The following HEATR4 variants were observed in gnomAD, a reference collection of about 807,000 sequenced individuals.
The protein encoded by HEATR4 is HEAT repeat-containing protein 4.
A neutral mutation model predicts 108.8 loss-of-function variants in HEATR4; 95 were observed. The observed-to-expected ratio is 0.87, with a 90% CI of 0.74 to 1.04. The LOEUF is 1.04. Ranked by LOEUF, HEATR4 falls within the 50% of genes least tolerant of loss-of-function variation. The probability of loss-of-function intolerance (pLI) is 0.00; values close to 1 mark genes in which losing one functional copy is unlikely to be tolerated. For missense variants in HEATR4, 1,152 were observed against 1,253.8 expected (o/e 0.92, Z 1.23); for synonymous variants, 443 against 459.4 (o/e 0.96, Z 0.46).
Position 73,492,579 on chromosome 14 carries a change from T to TA in HEATR4, c.2844+486dup. The TA allele has an allele frequency of 6.2e-7, 1 of 1,613,902 alleles. No homozygotes were observed. Among genetic ancestry groups the TA allele is most frequent in the South Asian group, 1.1e-5 (1 of 91,066 alleles). On this transcript the variant is annotated intron_variant, in intron 17 of 17. Transcript: ENST00000553558. This position sits in a 1 kb window ranked among gnomAD's most constrained non-coding sequence, Gnocchi z 4.9. The stretch of plus-strand genomic sequence containing the variant: ...GTTTTGACTGATAGGGAGAGGGCAC[T>TA]AAGTGTTTACGGGCTTCCAATTCGC...
At chr14:73,570,341 G>A in the HEATR4 span, among the ~76,000 whole-genome samples, 3 of 151,752 alleles carry the variant, frequency 2.0e-5, no homozygotes, top group Non-Finnish European at 4.4e-5. Context: ...AAGTCTCGGC[G>A]GGCAGATCAC....
intron 17 of HEATR4, among the ~76,000 whole-genome samples, chr14:73,483,170 G>T (rs1427846316): frequency 6.6e-6 from 1 of 152,134 alleles, no homozygotes; most frequent in Non-Finnish European, 1.5e-5. Flanking sequence ...TAATAAAATT[G>T]TTTCCCAGGG....
At chr14:73,518,947 T>C in intron 5 of HEATR4, 76 bp downstream of exon 5, 1 of 1,460,192 alleles carries the variant, frequency 6.8e-7, no homozygotes, top group Non-Finnish European at 9.3e-7. Context: ...CTCTAGCACA[T>C]GAATAGTGGG....
At chr14:73,566,809 C>T in the HEATR4 span, among the ~76,000 whole-genome samples, 3 of 152,176 alleles carry the variant, frequency 2.0e-5, no homozygotes, top group African/African-American at 7.2e-5. Flanking sequence ...TGAAGGGCTT[C>T]TCAAGTGCCG....
chr14:73,565,656 C>T, the HEATR4 span, among the ~76,000 whole-genome samples: 2 of 152,004 alleles, frequency 1.3e-5, no homozygotes, highest in Admixed American at 6.6e-5. Context: ...AGCTGCGGAC[C>T]TTCGTGGTGA....
intron 12 of HEATR4, among the ~76,000 whole-genome samples, chr14:73,500,247 A>G (rs1354670846): frequency 6.6e-6 from 1 of 151,768 alleles, no homozygotes; most frequent in Non-Finnish European, 1.5e-5. Flanking sequence ...ACAAACAAAC[A>G]AACAAAAAAA....
intron 10 of HEATR4, among the ~76,000 whole-genome samples, chr14:73,505,523 A>T (rs1283808197): frequency 2.0e-5 from 3 of 151,858 alleles, no homozygotes; most frequent in Non-Finnish European, 4.4e-5. Flanking sequence ...CAGCCTTCCA[A>T]GTAGCTAGGA....
chr14:73,568,979 G>A, the HEATR4 span: 1 of 514,428 alleles, frequency 1.9e-6, no homozygotes, highest in Non-Finnish European at 3.5e-6. Context: ...CAGGAGTTTG[G>A]AGCCTGGAGA....
chr14:73,491,739 T>C, intron 17 of HEATR4: 1 of 1,554,758 alleles, frequency 6.4e-7, no homozygotes. Flanking sequence ...TACCAGGGAC[T>C]TTTCTCTACC....
At chr14:73,486,997 A>G (rs115758733) in intron 17 of HEATR4, among the ~76,000 whole-genome samples, 1,685 of 151,852 alleles carry the variant, frequency 0.011, 34 homozygotes, top group African/African-American at 0.038. Flanking sequence ...GCCCAGCGCG[A>G]TGGCTCACGC....
chr14:73,495,501 T>C (rs924185282), intron 15 of HEATR4, 114 bp from the exon 16 acceptor site: 1 of 835,148 alleles, frequency 1.2e-6, no homozygotes, highest in Non-Finnish European at 1.8e-6. Context: ...GAGGATCACT[T>C]GAGCCCAACA....
At chr14:73,505,824 G>C (rs997317805) in intron 10 of HEATR4, among the ~76,000 whole-genome samples, 14 of 151,860 alleles carry the variant, frequency 9.2e-5, no homozygotes, top group Non-Finnish European at 1.9e-4. Flanking sequence ...TTGGCGGGGG[G>C]GAAATATGTC....
At chr14:73,569,413 G>A in the HEATR4 span, 1 of 1,613,996 alleles carries the variant, frequency 6.2e-7, no homozygotes, top group East Asian at 2.2e-5. Context: ...CAGATCATTA[G>A]GGTTCCTGCT....
At chr14:73,580,317 A>G in the HEATR4 span, among the ~76,000 whole-genome samples, 5 of 151,954 alleles carry the variant, frequency 3.3e-5, no homozygotes, top group African/African-American at 1.2e-4. Flanking sequence ...TTGTAGAAAC[A>G]GCGTCTTATG....
chr14:73,503,370 G>C (rs1446305798), intron 10 of HEATR4, among the ~76,000 whole-genome samples: 2 of 152,206 alleles, frequency 1.3e-5, no homozygotes, highest in Non-Finnish European at 2.9e-5. Flanking sequence ...GAAGTGACTA[G>C]CTCATTGCAG....
chr14:73,619,061 T>C, the HEATR4 span, among the ~76,000 whole-genome samples: 21 of 151,790 alleles, frequency 1.4e-4, no homozygotes, highest in African/African-American at 5.1e-4. Flanking sequence ...ACCCGGGAGG[T>C]GGAGGTTACA....
chr14:73,502,591 A>T (rs1158288193), intron 11 of HEATR4, among the ~76,000 whole-genome samples: 1 of 151,788 alleles, frequency 6.6e-6, no homozygotes, highest in Non-Finnish European at 1.5e-5. Context: ...CTCTGTTGCC[A>T]GGCTGGAGTG....
the HEATR4 span, among the ~76,000 whole-genome samples, chr14:73,577,474 T>C: frequency 7.2e-6 from 1 of 139,066 alleles, no homozygotes; most frequent in East Asian, 2.0e-4. Context: ...TCTGGGACAG[T>C]TGCTCATAGC....
In HEATR4 at chr14:73,522,516, G is replaced by A. The variant is rs369281289; in HGVS notation, c.637C>T (p.Arg213Cys). ...TTGCTCTGGATCCATCGGGCTGTGC[G>A]CTCGTTCAGCTTTTCCAGCACAGTG... Reference protein sequence around the residue: ...EATVLEKLNERTARWIQSKRP... With the variant: ...EATVLEKLNECTARWIQSKRP... Residue 213 changes from arginine to cysteine, a missense_variant, in exon 3 of 18, where the codon CGC becomes TGC. Transcript: ENST00000553558. 73 of 1,614,036 alleles carry A rather than the reference G, an allele frequency of 4.5e-5. No individual in the cohort carries two copies. The highest frequency in any genetic ancestry group is 5.6e-5 in the Non-Finnish European group (66 of 1,180,024).
Sources: gnomAD v4.1 joint callset for allele counts (sites outside exome capture counted in the v4.1 genomes callset) on GRCh38, gnomAD v4.1.1 for gene constraint, Gnocchi (gnomAD v3.1) non-coding constraint, MANE v1.5 for transcripts, NCBI Gene and HGNC (gene_info 2026-07-23, HGNC 2026-07-21) for gene names.